Variants in PDE10A observed in about 807,000 individuals in gnomAD.
PDE10A encodes the protein phosphodiesterase 10A, also known as cAMP and cAMP-inhibited cGMP 3',5'-cyclic phosphodiesterase 10A.
PDE10A carries 39 observed loss-of-function variants against 97.7 expected under a neutral mutation model. The observed-to-expected ratio is 0.40, with a 90% CI of 0.31 to 0.52. PDE10A has a LOEUF of 0.52. Ranked by LOEUF, PDE10A falls within the 20% of genes least tolerant of loss-of-function variation. PDE10A has a pLI of 0.56. For synonymous variants in PDE10A, 371 were observed against 376.8 expected (o/e 0.98, Z 0.18); for missense variants, 731 against 1,047.8 (o/e 0.70, Z 4.17).
At chr6:165,710,874 C>A (rs1791877946) in intron 1 of PDE10A, among the ~76,000 whole-genome samples, 1 of 152,212 alleles carries the variant, frequency 6.6e-6, no homozygotes, top group East Asian at 1.9e-4. Flanking sequence ...GGGCCCTGAT[C>A]AAAAATACCC....
intron 5 of PDE10A, among the ~76,000 whole-genome samples, chr6:165,447,109 A>G (rs1790906767): frequency 6.6e-6 from 1 of 152,106 alleles, no homozygotes; most frequent in South Asian, 2.1e-4. Flanking sequence ...AAAAAAAAAT[A>G]AAATTTTTTA....
intron 1 of PDE10A, among the ~76,000 whole-genome samples, chr6:165,866,667 A>C (rs1300661670): frequency 4.6e-5 from 3 of 65,170 alleles, no homozygotes; most frequent in Admixed American, 1.7e-4. Flanking sequence ...TAAAAACAGC[A>C]AAAAAACAAC....
intron 3 of PDE10A, among the ~76,000 whole-genome samples, chr6:165,469,299 A>C (rs916580346): frequency 2.0e-5 from 3 of 152,196 alleles, no homozygotes; most frequent in Non-Finnish European, 4.4e-5. Context: ...AGGGGTCAGT[A>C]GGAACTATTT....
chr6:165,563,233 AG>A (rs1052218765), intron 1 of PDE10A, among the ~76,000 whole-genome samples: 1 of 109,686 alleles, frequency 9.1e-6, no homozygotes, highest in African/African-American at 3.5e-5. Context: ...AAAGAGAGGA[AG>A]GGGGAGAGGG....
chr6:165,784,384 C>T (rs1490627423), intron 1 of PDE10A, among the ~76,000 whole-genome samples: 1 of 152,114 alleles, frequency 6.6e-6, no homozygotes, highest in African/African-American at 2.4e-5. Context: ...TGAGTAACTT[C>T]CTGATTGTTT....
intron 1 of PDE10A, among the ~76,000 whole-genome samples, chr6:165,974,721 C>A (rs1784799187): frequency 6.6e-6 from 1 of 152,234 alleles, no homozygotes; most frequent in African/African-American, 2.4e-5. Context: ...GATTCTATTG[C>A]TGAAGGAGAA....
intron 13 of PDE10A, among the ~76,000 whole-genome samples, chr6:165,411,825 A>T (rs1450694524): frequency 6.6e-6 from 1 of 152,214 alleles, no homozygotes; most frequent in African/African-American, 2.4e-5. Context: ...CAAAAATGGC[A>T]AATATATTAA....
rs577430380 is a variant in PDE10A, at chr6:165,424,950, AAT to A, written c.1653+3706_1653+3707del. ...TTATATCTGTTGTGGACCCACAACA[AAT>A]ATACATAGCAATGAAATGTGAGAAG... On this transcript the variant is annotated intron_variant, in intron 10 of 21. Transcript: ENST00000539869. 2.0e-4 allele frequency among the ~76,000 whole-genome samples: 31 copies of A among 152,308 alleles called. No homozygotes were observed. In the East Asian group the frequency reaches 5.8e-3, roughly 28 times the overall value.
chr6:165,773,936 C>G (rs1349039374), intron 1 of PDE10A, among the ~76,000 whole-genome samples: 1 of 148,288 alleles, frequency 6.7e-6, no homozygotes, highest in Non-Finnish European at 1.5e-5. Flanking sequence ...AGTATTTCAA[C>G]TTTTTTTTTT....
chr6:165,813,352 A>C (rs1350111618), intron 1 of PDE10A, among the ~76,000 whole-genome samples: 1 of 136,126 alleles, frequency 7.3e-6, no homozygotes. Context: ...TGAAACCCGG[A>C]AGGAGCATTT....
At chr6:165,632,636 G>A (rs1788686414) in intron 1 of PDE10A, among the ~76,000 whole-genome samples, 1 of 152,192 alleles carries the variant, frequency 6.6e-6, no homozygotes, top group African/African-American at 2.4e-5. Flanking sequence ...AAGAGACTAT[G>A]ACTTTGATCC....
intron 1 of PDE10A, among the ~76,000 whole-genome samples, chr6:165,741,024 A>C (rs1792707710): frequency 6.6e-6 from 1 of 152,194 alleles, no homozygotes; most frequent in South Asian, 2.1e-4. Context: ...TATTAATGGA[A>C]ATTTCTGGAG....
chr6:165,691,159 T>TTCTC (rs144462961), intron 1 of PDE10A, among the ~76,000 whole-genome samples: 3 of 19,248 alleles, frequency 1.6e-4, no homozygotes, highest in African/African-American at 2.6e-4. Context: ...TACAGTAATA[T>TTCTC]TCTCTCTTTC....
At chr6:165,721,053 A>G (rs1238215317) in intron 1 of PDE10A, among the ~76,000 whole-genome samples, 1 of 152,248 alleles carries the variant, frequency 6.6e-6, no homozygotes, top group Non-Finnish European at 1.5e-5. Flanking sequence ...ACAGTAACAT[A>G]TTGGACCTTT....
intron 1 of PDE10A, among the ~76,000 whole-genome samples, chr6:165,745,799 G>A (rs1036257306): frequency 2.0e-5 from 3 of 152,078 alleles, no homozygotes; most frequent in Non-Finnish European, 2.9e-5. Flanking sequence ...ATATATGTTC[G>A]TATGTTGTAA....
chr6:165,746,775 G>A (rs1312778001), intron 1 of PDE10A, among the ~76,000 whole-genome samples: 4 of 152,120 alleles, frequency 2.6e-5, no homozygotes, highest in African/African-American at 7.2e-5. Context: ...TTAGGAGCTC[G>A]GCAAATTATC....
At chr6:165,580,284 A>G (rs1207480747) in intron 1 of PDE10A, among the ~76,000 whole-genome samples, 2 of 152,190 alleles carry the variant, frequency 1.3e-5, no homozygotes, top group African/African-American at 2.4e-5. Flanking sequence ...ACCTGAGCTG[A>G]GCCTTAATGA....
intron 1 of PDE10A, among the ~76,000 whole-genome samples, chr6:165,589,780 T>C (rs1257555764): frequency 6.6e-6 from 1 of 152,160 alleles, no homozygotes; most frequent in Non-Finnish European, 1.5e-5. Flanking sequence ...AAATAACTTA[T>C]CTGCATATGG....
chr6:165,813,349 C>T (rs114571433), intron 1 of PDE10A, among the ~76,000 whole-genome samples: 1,489 of 136,280 alleles, frequency 0.011, 30 homozygotes, highest in African/African-American at 0.038. Flanking sequence ...ACATGAAACC[C>T]GGAAGGAGCA....
Sources: allele counts gnomAD v4.1 joint callset (sites outside exome capture counted in the v4.1 genomes callset), GRCh38; gene constraint gnomAD v4.1.1; transcripts MANE v1.5; gene names NCBI Gene and HGNC (gene_info 2026-07-23, HGNC 2026-07-21).